Variants in AK7 observed in about 807,000 individuals in gnomAD.
AK7 encodes adenylate kinase 7, also known as ATP-AMP transphosphorylase 7.
AK7 carries 78 observed loss-of-function variants against 96.6 expected under a neutral mutation model. The observed-to-expected ratio is 0.81, with a 90% confidence interval of 0.67 to 0.97. The LOEUF (loss-of-function observed/expected upper bound fraction) is 0.97. Among genes scored for constraint, AK7 ranks in the 50% least tolerant of loss-of-function variants. The pLI is 0.00. For missense variants in AK7, 855 were observed against 887.9 expected, an observed-to-expected ratio of 0.96 and a Z score of 0.47; for synonymous variants, 302 against 317.2, an observed-to-expected ratio of 0.95 and a Z score of 0.51.
chr14:96,394,489 G>T (rs1490430953), intron 1 of AK7, among the ~76,000 whole-genome samples: 1 of 152,126 alleles, frequency 6.6e-6, no homozygotes, highest in Admixed American at 6.6e-5. Context: ...CCAGAATGTG[G>T]CCCTACTCAG....
chr14:96,458,154 T>C lies in AK7; in HGVS notation c.1299T>C (p.Asn433=). 6.2e-7 allele frequency: 1 copy of C among 1,613,732 alleles called. No individual in the cohort carries two copies. Among genetic ancestry groups the C allele is most frequent in the South Asian group, 1.1e-5 (1 of 91,066 alleles). ...EEVEEEEEEE[N]VEDAQELLDG... ...TCGAAGAGGAAGAGGAGGAGGAGAA[T>C]GTGGAAGATGCACAGGAGCTCCTAG... Residue 433 remains asparagine (N), a synonymous_variant, in exon 12 of 18, where the codon AAT becomes AAC. Coordinates refer to ENST00000267584, the MANE Select transcript of AK7 (RefSeq NM_152327.5).
At chr14:96,475,363 C>T (rs1455385719) in intron 14 of AK7, among the ~76,000 whole-genome samples, 3 of 152,034 alleles carry the variant, frequency 2.0e-5, no homozygotes, top group Admixed American at 6.6e-5. Context: ...TTTGGTCAGG[C>T]GGCAGAAGCA....
chr14:96,426,303 C>G (rs1332595071), intron 5 of AK7, among the ~76,000 whole-genome samples: 1 of 152,120 alleles, frequency 6.6e-6, no homozygotes, highest in Non-Finnish European at 1.5e-5. Context: ...AAACTAATAA[C>G]ACTATGCCTT....
intron 6 of AK7, among the ~76,000 whole-genome samples, chr14:96,442,315 A>T (rs539695618): frequency 6.6e-6 from 1 of 152,310 alleles, no homozygotes; most frequent in South Asian, 2.1e-4. Context: ...GTAATTTTAA[A>T]TTTTAATTTG....
At chr14:96,450,966 A>G (rs533874434) in intron 9 of AK7, among the ~76,000 whole-genome samples, 3 of 151,882 alleles carry the variant, frequency 2.0e-5, no homozygotes, top group East Asian at 3.9e-4. Context: ...AGTAGAGACG[A>G]GGTTTCACCG....
intron 6 of AK7, among the ~76,000 whole-genome samples, chr14:96,442,298 G>A (rs977445374): frequency 1.3e-5 from 2 of 152,172 alleles, no homozygotes; most frequent in Non-Finnish European, 1.5e-5. Flanking sequence ...CATCCCTACT[G>A]GTGGGGGTAA....
intron 12 of AK7, among the ~76,000 whole-genome samples, chr14:96,469,641 A>T (rs1482823019): frequency 6.6e-6 from 1 of 152,200 alleles, no homozygotes; most frequent in Non-Finnish European, 1.5e-5. Flanking sequence ...CTTACTGGGA[A>T]GTAATGTAGA....
In AK7 at chr14:96,472,708, A is replaced by G. The variant is rs1357895374; in HGVS notation, c.1508A>G (p.Asp503Gly). The change falls in exon 14 of 18, where the codon GAT becomes GGT. Residue 503 changes from aspartate to glycine, a missense_variant. Asp to Gly is a moderately conservative substitution (Grantham distance 94). Coordinates refer to ENST00000267584, the MANE Select transcript of AK7 (RefSeq NM_152327.5). ...TTAGAGGAAGATGAGGAGGAGGAAG[A>G]TGATGTCAGAGGCAGAATGTTTCCC... ...LFNQEDEEEE[D>G]DVRGRMFPFD... The G allele has an allele frequency of 1.2e-6, 2 of 1,613,008 alleles. No individual in the cohort carries two copies. Among genetic ancestry groups the G allele is most frequent in the East Asian group, 2.2e-5 (1 of 44,866 alleles).
In AK7 at chr14:96,489,115, T is replaced by C. The variant is rs1895933373; in HGVS notation, c.*772T>C. ...AAATTAGTTTAGGTTTAATGGCATA[T>C]GTATTTTATCTCTTTAAATAATGTA... On this transcript the variant is annotated 3_prime_UTR_variant, in exon 18 of 18. Coordinates refer to ENST00000267584, the MANE Select transcript of AK7 (RefSeq NM_152327.5). 1 of 152,232 alleles carries C rather than the reference T, an allele frequency of 6.6e-6. No individual in the cohort carries two copies. Among genetic ancestry groups the C allele is most frequent in the Admixed American group, 6.5e-5 (1 of 15,282 alleles). 9.4% of individuals were successfully genotyped at this position (152,232 alleles called of 1,614,324 possible). A position where few individuals can be genotyped will look rare whatever the true frequency, so the allele number is the denominator to read the frequency against.
chr14:96,488,618 CT>C lies in AK7; in HGVS notation c.*277del, dbSNP rs1362432557. 5.0e-5 allele frequency: 15 copies of C among 300,618 alleles called. No homozygotes were observed. The highest frequency in any genetic ancestry group is 8.1e-5 in the Non-Finnish European group (13 of 160,490). The allele number at this position is 300,618 out of a possible 1,614,324, so 18.6% of individuals were successfully genotyped here. A position where few individuals can be genotyped will look rare whatever the true frequency, so the allele number is the denominator to read the frequency against. The stretch of plus-strand genomic sequence containing the variant: ...TCTTTAGTCAGATCTAAATATACCG[CT>C]TCTGTACACTAATGTTTATAGGTAT... On this transcript the variant is annotated 3_prime_UTR_variant, in exon 18 of 18. Coordinates refer to ENST00000267584, the MANE Select transcript of AK7 (RefSeq NM_152327.5).
intron 3 of AK7, among the ~76,000 whole-genome samples, chr14:96,405,350 ATT>A (rs1249063934): frequency 1.4e-5 from 2 of 144,222 alleles, no homozygotes. Context: ...ACCCCAGCTA[ATT>A]TTTTTTTTTT....
At chr14:96,463,376 A>G (rs907449698) in intron 12 of AK7, among the ~76,000 whole-genome samples, 1 of 151,938 alleles carries the variant, frequency 6.6e-6, no homozygotes, top group African/African-American at 2.4e-5. Flanking sequence ...CAGACCAGTC[A>G]CTGCCTCTCT....
intron 14 of AK7, among the ~76,000 whole-genome samples, chr14:96,475,206 C>T (rs942892543): frequency 6.6e-6 from 1 of 152,190 alleles, no homozygotes; most frequent in African/African-American, 2.4e-5. Context: ...TTCTATTTCT[C>T]TGAAAGAAAG....
chr14:96,416,076 C>G (rs945751449), intron 4 of AK7, among the ~76,000 whole-genome samples: 1 of 152,040 alleles, frequency 6.6e-6, no homozygotes, highest in Non-Finnish European at 1.5e-5. Flanking sequence ...CAACCAAACA[C>G]AATCACCAAT....
chr14:96,476,107 A>C (rs1475096925), intron 14 of AK7, among the ~76,000 whole-genome samples: 1 of 152,232 alleles, frequency 6.6e-6, no homozygotes, highest in Non-Finnish European at 1.5e-5. Flanking sequence ...GCATTTTACC[A>C]CTGCTGTTAG....
intron 12 of AK7, among the ~76,000 whole-genome samples, chr14:96,464,978 T>C (rs916173009): frequency 6.6e-6 from 1 of 152,206 alleles, no homozygotes; most frequent in Admixed American, 6.5e-5. Flanking sequence ...TAAGGATGTA[T>C]CTAGCTTGAC....
At chr14:96,414,336 A>G (rs929929072) in intron 4 of AK7, among the ~76,000 whole-genome samples, 9 of 152,224 alleles carry the variant, frequency 5.9e-5, no homozygotes, top group Non-Finnish European at 1.3e-4. Context: ...TTCTTTGACT[A>G]AAACTCAGCC....
At chr14:96,456,570 T>C in intron 11 of AK7, 95 bp downstream of exon 11, 1 of 1,444,732 alleles carries the variant, frequency 6.9e-7, no homozygotes, top group East Asian at 2.4e-5. Context: ...GCCAGCTGGA[T>C]GCAGTTTAGA....
At chr14:96,454,480 A>G (rs1893778909) in intron 10 of AK7, among the ~76,000 whole-genome samples, 1 of 151,704 alleles carries the variant, frequency 6.6e-6, no homozygotes, top group Non-Finnish European at 1.5e-5. Flanking sequence ...AAATTAGAAT[A>G]ACTTTTTTAA....
Sources: gnomAD v4.1 joint callset for allele counts (sites outside exome capture counted in the v4.1 genomes callset) on GRCh38, gnomAD v4.1.1 for gene constraint, MANE v1.5 for transcripts, NCBI Gene and HGNC (gene_info 2026-07-23, HGNC 2026-07-21) for gene names.